Variants in XKR9 observed in about 807,000 individuals in gnomAD.
XKR9 encodes XK related 9.
In XKR9, 32 loss-of-function variants were observed where a neutral mutation model predicts 32.0. That is an observed-to-expected ratio of 1.00 (90% CI 0.76 to 1.34). The LOEUF is 1.34. XKR9 is among the 40% of genes most tolerant of loss of function. The probability of loss-of-function intolerance (pLI) is 0.00; values close to 1 mark genes in which losing one functional copy is unlikely to be tolerated. For synonymous variants in XKR9, 168 were observed against 143.4 expected (o/e 1.17, Z -1.22); for missense variants, 546 against 429.7 (o/e 1.27, Z -2.39).
At chr8:70,973,973 A>C in the XKR9 span, among the ~76,000 whole-genome samples, 1 of 152,146 alleles carries the variant, frequency 6.6e-6, no homozygotes, top group Non-Finnish European at 1.5e-5. Context: ...ATATCTGTTT[A>C]GTCCATTTGT....
chr8:70,753,085 C>T (rs1415850841), intron 2 of XKR9, among the ~76,000 whole-genome samples: 1 of 152,146 alleles, frequency 6.6e-6, no homozygotes, highest in African/African-American at 2.4e-5. Context: ...AAGGGGACAT[C>T]ACCACCGATC....
chr8:70,799,906 G>C, the XKR9 span, among the ~76,000 whole-genome samples: 1 of 152,136 alleles, frequency 6.6e-6, no homozygotes, highest in Non-Finnish European at 1.5e-5. Context: ...ATGTTGAATA[G>C]GAGTGGTGAA....
At chr8:70,944,798 C>A in the XKR9 span, among the ~76,000 whole-genome samples, 395 of 152,262 alleles carry the variant, frequency 2.6e-3, 4 homozygotes, top group South Asian at 0.011. Flanking sequence ...CGTTTTTATC[C>A]CATCTCTCTG....
chr8:70,817,705 C>T, the XKR9 span, among the ~76,000 whole-genome samples: 1 of 152,126 alleles, frequency 6.6e-6, no homozygotes, highest in East Asian at 1.9e-4. Flanking sequence ...GGAGGTATCA[C>T]ATTACCAGAT....
At chr8:71,058,178 CA>C in the XKR9 span, among the ~76,000 whole-genome samples, 11 of 149,174 alleles carry the variant, frequency 7.4e-5, no homozygotes, top group Non-Finnish European at 1.0e-4. Flanking sequence ...GACTCCGTCT[CA>C]AAAAAAAAAT....
At chr8:71,023,954 T>A in the XKR9 span, among the ~76,000 whole-genome samples, 1 of 152,028 alleles carries the variant, frequency 6.6e-6, no homozygotes, top group Admixed American at 6.6e-5. Context: ...TTGGACTTGT[T>A]GTTAGGTCCC....
chr8:70,732,131 G>T (rs537151886), intron 4 of XKR9, among the ~76,000 whole-genome samples: 1 of 152,240 alleles, frequency 6.6e-6, no homozygotes, highest in African/African-American at 2.4e-5. Flanking sequence ...AACTGAGATA[G>T]ACACCCCATG....
the XKR9 span, among the ~76,000 whole-genome samples, chr8:71,062,126 T>TCTG: frequency 6.6e-6 from 1 of 152,194 alleles, no homozygotes; most frequent in African/African-American, 2.4e-5. Flanking sequence ...GGCATTTACA[T>TCTG]CTGCGATGAT....
the XKR9 span, among the ~76,000 whole-genome samples, chr8:71,062,102 A>G: frequency 6.6e-6 from 1 of 152,190 alleles, no homozygotes; most frequent in Non-Finnish European, 1.5e-5. Flanking sequence ...TAGGAAGAAG[A>G]GCTTATTTTC....
At chr8:70,670,675 G>A (rs1818684719) in intron 1 of XKR9, 1 of 152,078 alleles carries the variant, frequency 6.6e-6, no homozygotes, top group Non-Finnish European at 1.5e-5. Context: ...TGTGAGAAAT[G>A]TCTTTGCCTT....
the XKR9 span, among the ~76,000 whole-genome samples, chr8:70,889,065 A>G: frequency 1.3e-5 from 2 of 151,912 alleles, no homozygotes; most frequent in African/African-American, 4.8e-5. Context: ...CACAGTATTG[A>G]GTCTTCCAAT....
the XKR9 span, among the ~76,000 whole-genome samples, chr8:71,063,105 T>C: frequency 6.6e-6 from 1 of 152,224 alleles, no homozygotes; most frequent in East Asian, 1.9e-4. Context: ...TGTTTCCAAA[T>C]TCTCTAATCT....
downstream of XKR9, among the ~76,000 whole-genome samples, chr8:70,794,907 A>G (rs1040241727): frequency 6.6e-6 from 1 of 151,708 alleles, no homozygotes; most frequent in African/African-American, 2.4e-5. Flanking sequence ...TAAACTAGAA[A>G]GTTTTGATTC....
At chr8:71,051,252 G>T in the XKR9 span, among the ~76,000 whole-genome samples, 1 of 152,008 alleles carries the variant, frequency 6.6e-6, no homozygotes, top group African/African-American at 2.4e-5. Flanking sequence ...GTATCCTTAT[G>T]GCTTCTCCAG....
At chr8:71,015,257 A>AC in the XKR9 span, among the ~76,000 whole-genome samples, 1 of 152,170 alleles carries the variant, frequency 6.6e-6, no homozygotes, top group African/African-American at 2.4e-5. Flanking sequence ...ACTCTGTCAA[A>AC]AAACGTCTGT....
chr8:70,948,323 G>A, the XKR9 span, among the ~76,000 whole-genome samples: 6 of 152,266 alleles, frequency 3.9e-5, no homozygotes, highest in Non-Finnish European at 8.8e-5. Context: ...TATTTCATGT[G>A]AGTCTTTCAG....
chr8:70,902,088 A>C, the XKR9 span, among the ~76,000 whole-genome samples: 1 of 152,216 alleles, frequency 6.6e-6, no homozygotes, highest in Non-Finnish European at 1.5e-5. Flanking sequence ...AGGTAGCATG[A>C]TACCTCCAGC....
intron 4 of XKR9, among the ~76,000 whole-genome samples, chr8:70,708,355 T>A (rs1244969592): frequency 6.6e-6 from 1 of 152,114 alleles, no homozygotes; most frequent in Non-Finnish European, 1.5e-5. Context: ...CAGCTATCTT[T>A]ATATTCAATC....
the XKR9 span, among the ~76,000 whole-genome samples, chr8:70,817,753 T>TA: frequency 6.6e-6 from 1 of 151,980 alleles, no homozygotes; most frequent in African/African-American, 2.4e-5. Context: ...TGCTACTGGT[T>TA]AAAAAACAGG....
Sources: gnomAD v4.1 joint callset for allele counts (sites outside exome capture counted in the v4.1 genomes callset) on GRCh38, gnomAD v4.1.1 for gene constraint, MANE v1.5 for transcripts, NCBI Gene and HGNC (gene_info 2026-07-23, HGNC 2026-07-21) for gene names.